TEX11: variants seen among roughly 807,000 people sequenced by gnomAD.
The protein encoded by TEX11 is testis-expressed protein 11.
Under a neutral mutation model 84.4 loss-of-function variants are expected in TEX11, and 7 were observed. The ratio of observed to expected loss-of-function variants is 0.08; its 90% CI spans 0.05 to 0.16. TEX11 has a LOEUF of 0.16. TEX11 is among the 10% of genes least tolerant of loss of function. TEX11 has a pLI of 1.00. For synonymous variants in TEX11, 264 were observed against 222.8 expected (o/e 1.18, Z -1.64); for missense variants, 551 against 660.5 (o/e 0.83, Z 1.82).
chrX:70,571,122 G>A (rs1172922667), intron 25 of TEX11, among the ~76,000 whole-genome samples: 7 of 111,057 alleles, frequency 6.3e-5, no homozygotes, highest in Admixed American at 2.9e-4. Flanking sequence ...AAGCTCAGGC[G>A]ATTCTCATGC....
At chrX:70,685,261 A>G (rs2090178878) in intron 13 of TEX11, among the ~76,000 whole-genome samples, 1 of 111,531 alleles carries the variant, frequency 9.0e-6, no homozygotes, top group Non-Finnish European at 1.9e-5. Context: ...CTATGCGGGG[A>G]GGGCTGAGGC....
At chrX:70,583,444 A>G (rs1401097483) in intron 25 of TEX11, among the ~76,000 whole-genome samples, 1 of 112,097 alleles carries the variant, frequency 8.9e-6, no homozygotes, top group African/African-American at 3.2e-5. Context: ...ATTTCATTCT[A>G]TTTTTATGGC....
intron 3 of TEX11, among the ~76,000 whole-genome samples, chrX:70,877,110 A>G (rs1238333227): frequency 9.1e-6 from 1 of 110,488 alleles, no homozygotes; most frequent in African/African-American, 3.3e-5. Flanking sequence ...CCTGGCCAAC[A>G]TGGCAAAAAC....
At chrX:70,687,975 A>G (rs1170963115) in intron 13 of TEX11, among the ~76,000 whole-genome samples, 1 of 111,696 alleles carries the variant, frequency 9.0e-6, no homozygotes, top group Non-Finnish European at 1.9e-5. Context: ...CTGAAAAAAA[A>G]ACTGCATGGA....
chrX:70,600,003 A>C (rs2089074733), intron 24 of TEX11, among the ~76,000 whole-genome samples: 1 of 110,938 alleles, frequency 9.0e-6, no homozygotes, highest in Non-Finnish European at 1.9e-5. Context: ...TATTTATAGC[A>C]GCATGATTTA....
chrX:70,884,598 T>C (rs1191707274), intron 2 of TEX11, among the ~76,000 whole-genome samples: 1 of 111,292 alleles, frequency 9.0e-6, no homozygotes, highest in Non-Finnish European at 1.9e-5. Context: ...GTAATTTCTA[T>C]CCACGGTCAC....
At chrX:70,610,437 ACT>A in intron 21 of TEX11, 64 bp downstream of exon 21, 1 of 1,018,432 alleles carries the variant, frequency 9.8e-7, no homozygotes. Context: ...TGCTTAGTGT[ACT>A]TGGAGAATTC....
intron 18 of TEX11, among the ~76,000 whole-genome samples, chrX:70,627,795 A>ATTATT (rs1018938621): frequency 4.5e-5 from 5 of 111,847 alleles, no homozygotes; most frequent in African/African-American, 1.6e-4. Context: ...CACAACCCAA[A>ATTATT]TTATTTTCCT....
intron 4 of TEX11, among the ~76,000 whole-genome samples, chrX:70,867,408 T>G (rs1328552732): frequency 2.7e-5 from 3 of 111,766 alleles, no homozygotes; most frequent in Non-Finnish European, 5.6e-5. Context: ...TCCATGCTCA[T>G]GGATAGGAAA....
intron 8 of TEX11, among the ~76,000 whole-genome samples, chrX:70,817,498 G>A (rs1222234680): frequency 8.9e-6 from 1 of 111,940 alleles, no homozygotes; most frequent in Non-Finnish European, 1.9e-5. Flanking sequence ...GCTTGAGCCC[G>A]GGAAATCGAG....
intron 4 of TEX11, 129 bp downstream of exon 4, chrX:70,873,094 G>T (rs940361492): frequency 2.4e-6 from 1 of 409,547 alleles, no homozygotes; most frequent in Non-Finnish European, 4.1e-6. Flanking sequence ...TTGTTCCTGG[G>T]TTGTTTTGTT....
chrX:70,601,681 C>T (rs1227565632), intron 24 of TEX11, among the ~76,000 whole-genome samples: 111 of 100,203 alleles, frequency 1.1e-3, no homozygotes, highest in Admixed American at 2.2e-3. Context: ...GAGGACCCTG[C>T]GGCCTTCTGC....
intron 25 of TEX11, among the ~76,000 whole-genome samples, chrX:70,586,678 T>A (rs1603106889): frequency 1.8e-5 from 2 of 111,954 alleles, no homozygotes; most frequent in Admixed American, 1.9e-4. Context: ...ACAACAAGTG[T>A]TGGCAAGGAG....
chrX:70,760,187 G>GC (rs2090899255), intron 9 of TEX11, among the ~76,000 whole-genome samples: 1 of 111,460 alleles, frequency 9.0e-6, no homozygotes, highest in African/African-American at 3.3e-5. Flanking sequence ...TAGCCATACT[G>GC]CCAAGGTAAT....
intron 3 of TEX11, 89 bp downstream of exon 3, chrX:70,879,899 A>C: frequency 2.5e-6 from 2 of 793,813 alleles, no homozygotes; most frequent in Non-Finnish European, 3.4e-6. Flanking sequence ...ATGGTTAAGC[A>C]TGAAGACTAC....
intron 4 of TEX11, among the ~76,000 whole-genome samples, chrX:70,871,488 T>C (rs1448276160): frequency 8.9e-6 from 1 of 112,520 alleles, no homozygotes; most frequent in Non-Finnish European, 1.9e-5. Context: ...TAAAGAATTA[T>C]AGCTTATAAA....
intron 9 of TEX11, among the ~76,000 whole-genome samples, chrX:70,783,621 C>A (rs2091057316): frequency 9.0e-6 from 1 of 111,419 alleles, no homozygotes; most frequent in African/African-American, 3.3e-5. Flanking sequence ...CAAATAGACG[C>A]TATAAAAAAT....
At chrX:70,590,178 T>C (rs2088909985) in intron 25 of TEX11, among the ~76,000 whole-genome samples, 1 of 112,192 alleles carries the variant, frequency 8.9e-6, no homozygotes, top group Non-Finnish European at 1.9e-5. Context: ...TTAAATCTTC[T>C]ATAATAAGTA....
intron 13 of TEX11, among the ~76,000 whole-genome samples, chrX:70,717,606 A>T (rs1244070334): frequency 8.9e-6 from 1 of 112,048 alleles, no homozygotes; most frequent in African/African-American, 3.2e-5. Flanking sequence ...GGCGTAAGCC[A>T]CCACGCCTGG....
Sources: allele counts gnomAD v4.1 joint callset (sites outside exome capture counted in the v4.1 genomes callset), GRCh38; gene constraint gnomAD v4.1.1; transcripts MANE v1.5; gene names NCBI Gene and HGNC (gene_info 2026-07-23, HGNC 2026-07-21).